Variants in ABHD18 observed in about 807,000 individuals in gnomAD.
ABHD18 encodes the protein cardiolipin-specific deacylase, mitochondrial.
A neutral mutation model predicts 65.9 loss-of-function variants in ABHD18; 55 were observed. The observed-to-expected ratio is 0.84, with a 90% CI of 0.67 to 1.05. The LOEUF is 1.05. ABHD18 is among the 50% of genes least tolerant of loss of function. ABHD18 has a pLI of 0.00. For missense variants in ABHD18, 533 were observed against 558.5 expected (o/e 0.95, Z 0.46); for synonymous variants, 181 against 180.2 (o/e 1.00, Z -0.04).
intron 1 of ABHD18, among the ~76,000 whole-genome samples, chr4:127,973,244 G>A (rs1331948364): frequency 6.6e-6 from 1 of 152,104 alleles, no homozygotes; most frequent in Non-Finnish European, 1.5e-5. Context: ...TTGAACTGCT[G>A]GACTCAAGCG....
At chr4:127,991,248 A>G (rs1750866045) in intron 4 of ABHD18, among the ~76,000 whole-genome samples, 1 of 151,548 alleles carries the variant, frequency 6.6e-6, no homozygotes, top group Admixed American at 6.6e-5. Context: ...CTAGAGACAG[A>G]GTCTCCAGAG....
At chr4:128,011,765 G>A in intron 7 of ABHD18, 65 bp downstream of exon 7, 4 of 1,296,660 alleles carry the variant, frequency 3.1e-6, no homozygotes, top group Non-Finnish European at 4.1e-6. Flanking sequence ...TTAAAATTTT[G>A]GTTGCCTTCA....
intron 1 of ABHD18, among the ~76,000 whole-genome samples, chr4:127,968,712 A>AT (rs1343931950): frequency 6.6e-6 from 1 of 152,146 alleles, no homozygotes; most frequent in African/African-American, 2.4e-5. Flanking sequence ...TAACTGTGTC[A>AT]TTTTAGCTTG....
chr4:127,979,915 CAAAAAAAAAAAA>C, intron 1 of ABHD18, among the ~76,000 whole-genome samples: 1 of 66,546 alleles, frequency 1.5e-5, no homozygotes, highest in South Asian at 5.5e-4. Context: ...GACTCCATCT[CAAAAAAAAAAAA>C]AAAAAAAAGA....
At chr4:128,032,296 C>T (rs1758326734) in intron 12 of ABHD18, among the ~76,000 whole-genome samples, 1 of 152,154 alleles carries the variant, frequency 6.6e-6, no homozygotes, top group African/African-American at 2.4e-5. Flanking sequence ...TGACCTCTTC[C>T]ATTCCCCATC....
rs1324303680 is a variant in ABHD18, at chr4:128,036,007, G to A, written c.*194G>A. On this transcript the variant is annotated 3_prime_UTR_variant, in exon 13 of 13. Coordinates refer to ENST00000645843, the MANE Select transcript of ABHD18 (RefSeq NM_001358451.3). Reference sequence around the variant, plus strand: ...GAATAATTTCAAGATAATATTTGAAGTAAATAATGTTAAAGTGTTTTTACT... The same window carrying A: ...GAATAATTTCAAGATAATATTTGAAATAAATAATGTTAAAGTGTTTTTACT... The A allele has an allele frequency of 1.5e-5, 6 of 402,982 alleles. No homozygotes were observed. Among genetic ancestry groups the A allele is most frequent in the Non-Finnish European group, 2.6e-5 (6 of 227,208 alleles). The allele number at this position is 402,982 out of a possible 1,614,324, so 25.0% of individuals were successfully genotyped here.
intron 10 of ABHD18, among the ~76,000 whole-genome samples, chr4:128,026,853 T>C (rs1757448325): frequency 6.6e-6 from 1 of 151,616 alleles, no homozygotes; most frequent in African/African-American, 2.4e-5. Context: ...TGGCACAGTC[T>C]CTACTCATTG....
intron 4 of ABHD18, among the ~76,000 whole-genome samples, chr4:128,001,371 CT>C (rs1752605220): frequency 6.6e-6 from 1 of 152,066 alleles, no homozygotes; most frequent in South Asian, 2.1e-4. Context: ...TATCGAAAGC[CT>C]TTTCTGTATC....
rs755650694 is a variant in ABHD18 at position 128,030,499 on chromosome 4, C to T, written c.1181-11C>T. 1 of 1,506,974 alleles carries T rather than the reference C, an allele frequency of 6.6e-7. No individual in the cohort carries two copies. The highest frequency in any genetic ancestry group is 2.5e-5 in the East Asian group (1 of 40,370). 93.4% of individuals were successfully genotyped at this position (1,506,974 alleles called of 1,614,324 possible). A position where few individuals can be genotyped will look rare whatever the true frequency, so the allele number is the denominator to read the frequency against. On this transcript the variant is annotated splice_polypyrimidine_tract_variant and intron_variant, in intron 11 of 12. Transcript: ENST00000645843. ...GTGTATATGTTGAATTTTTAAAAAT[C>T]CTATACCTAGTCCCAGTTGATCCAA...
In ABHD18 at chr4:128,020,079, G is replaced by A. The variant is rs763753545; in HGVS notation, c.610-1G>A. ...GACGCTCTCTATCTGTTATATTACA[G>A]ATGGCTTCCTTAGCGGTATCCAACT... On this transcript the variant is annotated splice_acceptor_variant, in intron 8 of 12. Coordinates refer to ENST00000645843, the MANE Select transcript of ABHD18 (RefSeq NM_001358451.3). LOFTEE classifies it high-confidence loss of function. 6 of 1,607,544 alleles carry A rather than the reference G, an allele frequency of 3.7e-6. No individual in the cohort carries two copies. Among genetic ancestry groups the A allele is most frequent in the Non-Finnish European group, 2.6e-6 (3 of 1,175,198 alleles).
intron 6 of ABHD18, 111 bp downstream of exon 6, chr4:128,009,302 A>G (rs1754151005): frequency 1.0e-5 from 6 of 586,072 alleles, no homozygotes; most frequent in Non-Finnish European, 1.6e-5. Flanking sequence ...AAATTTAGTC[A>G]TCAGTTCAGA....
intron 12 of ABHD18, chr4:128,031,045 G>A: frequency 1.0e-6 from 1 of 1,002,676 alleles, no homozygotes; most frequent in Non-Finnish European, 1.2e-6. Flanking sequence ...CTGAACATCT[G>A]TGGAATAATT....
intron 4 of ABHD18, among the ~76,000 whole-genome samples, chr4:128,008,261 C>CTTTT (rs1167728243): frequency 8.2e-5 from 8 of 97,786 alleles, no homozygotes; most frequent in East Asian, 4.0e-4. Flanking sequence ...GACTCCGTTC[C>CTTTT]TTTTTTTTTT....
intron 4 of ABHD18, among the ~76,000 whole-genome samples, chr4:127,998,260 T>C (rs1158781971): frequency 6.6e-6 from 1 of 151,280 alleles, no homozygotes; most frequent in Non-Finnish European, 1.5e-5. Flanking sequence ...TCTTATCCTT[T>C]GTAAATTTTT....
chr4:128,011,577 G>A, intron 6 of ABHD18, 96 bp from the exon 7 acceptor site: 1 of 816,338 alleles, frequency 1.2e-6, no homozygotes, highest in East Asian at 2.9e-5. Flanking sequence ...AGTTATTTCA[G>A]TATTAAATTG....
At position 127,989,818 on chromosome 4, in the gene ABHD18, C is replaced by G. The variant is rs752689913; in HGVS notation, c.275C>G (p.Ala92Gly). The G allele has an allele frequency of 5.8e-6, 9 of 1,553,272 alleles. No homozygotes were observed. The highest frequency in any genetic ancestry group is 5.2e-6 in the Non-Finnish European group (6 of 1,148,824). The change falls in exon 4 of 13, where the codon GCA (alanine) becomes GGA (glycine). Residue 92 changes from alanine to glycine, a missense_variant. This residue lies in a region of ABHD18 where 309 missense variants were observed against 313.5 expected (regional missense o/e 0.99). Coordinates refer to ENST00000645843, the MANE Select transcript of ABHD18 (RefSeq NM_001358451.3). ...PDIMPIESVIARFQFIVPKEW... is the reference protein window; with the variant it reads ...PDIMPIESVIGRFQFIVPKEW... ...ATCATGCCAATTGAATCTGTTATTG[C>G]AAGGTAAGAATTTTTTTGTTCAAAA...
At chr4:128,026,667 C>A (rs1757414302) in intron 10 of ABHD18, among the ~76,000 whole-genome samples, 1 of 151,992 alleles carries the variant, frequency 6.6e-6, no homozygotes, top group Non-Finnish European at 1.5e-5. Flanking sequence ...TAGCATATAA[C>A]AAAGTTTATT....
rs199789137 is a variant in ABHD18 at position 127,989,775 on chromosome 4, G to A, written c.232G>A (p.Ala78Thr). 3.7e-5 allele frequency: 59 copies of A among 1,601,962 alleles called. No homozygotes were observed. In the Admixed American group the frequency reaches 8.7e-4, roughly 24 times the overall value. The change falls in exon 4 of 13, where the codon GCT becomes ACT. Residue 78 changes from alanine (A) to threonine (T), a missense_variant. Physicochemically the swap from Ala to Thr is moderately conservative, Grantham distance 58 (BLOSUM62 0). Transcript: ENST00000645843. ...ILDGHFVSPM[A>T]HYVPDIMPIE... ...AGATGGACACTTTGTTTCCCCCATG[G>A]CTCACTATGTGCCTGATATCATGCC...
At chr4:128,035,294 A>G (rs938452522) in intron 12 of ABHD18, among the ~76,000 whole-genome samples, 3 of 152,164 alleles carry the variant, frequency 2.0e-5, no homozygotes, top group African/African-American at 7.2e-5. Context: ...AATTGGAAGT[A>G]TATTTGAGGT....
Sources: gnomAD v4.1 joint callset for allele counts (sites outside exome capture counted in the v4.1 genomes callset) on GRCh38, gnomAD v4.1.1 for gene constraint, gnomAD v4.1.1 regional missense constraint, MANE v1.5 for transcripts, NCBI Gene and HGNC (gene_info 2026-07-23, HGNC 2026-07-21) for gene names.